Variants in GPHN observed in about 807,000 individuals in gnomAD.
GPHN encodes gephyrin.
GPHN carries 17 observed loss-of-function variants against 95.5 expected under a neutral mutation model. That is an observed-to-expected ratio of 0.18 (90% CI 0.12 to 0.27). The LOEUF (loss-of-function observed/expected upper bound fraction) is 0.27, where lower values mean the gene tolerates loss of function less well. Ranked by LOEUF, GPHN falls within the 10% of genes least tolerant of loss-of-function variation. The probability of loss-of-function intolerance (pLI) is 1.00; values close to 1 mark genes in which losing one functional copy is unlikely to be tolerated. For missense variants in GPHN, 660 were observed against 978.1 expected (o/e 0.67, Z 4.34); for synonymous variants, 320 against 322.5 (o/e 0.99, Z 0.08).
chr14:66,754,952 A>G (rs2058505970), intron 2 of GPHN, among the ~76,000 whole-genome samples: 1 of 152,110 alleles, frequency 6.6e-6, no homozygotes, highest in South Asian at 2.1e-4. Flanking sequence ...ACAGTATTTT[A>G]TCTTACAATG....
At chr14:67,142,421 A>G (rs544393873) in intron 17 of GPHN, among the ~76,000 whole-genome samples, 4 of 152,260 alleles carry the variant, frequency 2.6e-5, no homozygotes, top group Admixed American at 2.0e-4. Flanking sequence ...GGACTTTTCA[A>G]CTGTTCTGAC....
At chr14:67,412,271 C>A in the GPHN span, 1 of 456,510 alleles carries the variant, frequency 2.2e-6, no homozygotes, top group Non-Finnish European at 3.8e-6. Context: ...CGTTTCCACC[C>A]AAAGGTGCTC....
At chr14:67,605,117 T>A in the GPHN span, among the ~76,000 whole-genome samples, 2 of 152,196 alleles carry the variant, frequency 1.3e-5, no homozygotes, top group African/African-American at 4.8e-5. Flanking sequence ...TCACCAAAAA[T>A]TTTGCTTGGA....
the GPHN span, chr14:67,397,585 C>A: frequency 7.8e-7 from 1 of 1,281,710 alleles, no homozygotes; most frequent in South Asian, 1.5e-5. Flanking sequence ...CTCCTACCCA[C>A]ACCACTTTCC....
chr14:67,393,642 T>C, the GPHN span, among the ~76,000 whole-genome samples: 1 of 151,970 alleles, frequency 6.6e-6, no homozygotes, highest in Non-Finnish European at 1.5e-5. Context: ...TTAGTAGAGA[T>C]GGGGTTTCAC....
the GPHN span, among the ~76,000 whole-genome samples, chr14:67,310,006 G>A: frequency 6.7e-6 from 1 of 148,594 alleles, no homozygotes; most frequent in Non-Finnish European, 1.5e-5. Context: ...TTTTTTTTTG[G>A]CAAAAAAGTA....
chr14:67,728,707 G>GGGC, the GPHN span, among the ~76,000 whole-genome samples: 1 of 151,210 alleles, frequency 6.6e-6, no homozygotes, highest in South Asian at 2.1e-4. Flanking sequence ...ATCTTGTGGG[G>GGGC]GGGGGGTGTT....
At chr14:66,536,979 T>C (rs1282536852) in intron 1 of GPHN, among the ~76,000 whole-genome samples, 1 of 152,208 alleles carries the variant, frequency 6.6e-6, no homozygotes. Context: ...ATGACCTTTT[T>C]GTCATTATGA....
the GPHN span, among the ~76,000 whole-genome samples, chr14:67,688,868 C>G: frequency 6.6e-6 from 1 of 152,248 alleles, no homozygotes; most frequent in Admixed American, 6.5e-5. Flanking sequence ...AGAGACTATA[C>G]CTATCTTGTT....
chr14:67,336,813 C>T, the GPHN span: 2 of 454,652 alleles, frequency 4.4e-6, no homozygotes, highest in Non-Finnish European at 8.8e-6. Context: ...GTTTTCCAGT[C>T]ATTACTGAAT....
the GPHN span, among the ~76,000 whole-genome samples, chr14:67,383,020 T>C: frequency 6.6e-6 from 1 of 152,246 alleles, no homozygotes; most frequent in Non-Finnish European, 1.5e-5. Flanking sequence ...CTATTTGTGG[T>C]CTTGAAAGAT....
chr14:67,312,686 C>A, the GPHN span: 2 of 1,610,040 alleles, frequency 1.2e-6, no homozygotes, highest in African/African-American at 1.3e-5. Flanking sequence ...CGAAGATAAT[C>A]AACCTCTAGC....
At chr14:67,568,704 G>C in the GPHN span, among the ~76,000 whole-genome samples, 39,293 of 151,946 alleles carry the variant, frequency 0.26, 5,304 homozygotes, top group East Asian at 0.45. Context: ...TCGTGTGGCC[G>C]CAGTGGCTTC....
chr14:67,621,917 C>T, the GPHN span, among the ~76,000 whole-genome samples: 4 of 151,678 alleles, frequency 2.6e-5, no homozygotes, highest in Admixed American at 6.6e-5. Context: ...ACCAATATGG[C>T]GAAATCCCTT....
chr14:67,368,780 C>T, the GPHN span, among the ~76,000 whole-genome samples: 4 of 152,022 alleles, frequency 2.6e-5, no homozygotes, highest in Non-Finnish European at 4.4e-5. Flanking sequence ...CACAGCTGTT[C>T]GGGAGGCTGA....
chr14:66,936,096 G>T (rs1368188623), intron 8 of GPHN, among the ~76,000 whole-genome samples: 1 of 151,978 alleles, frequency 6.6e-6, no homozygotes, highest in Admixed American at 6.6e-5. Context: ...TGAGAATTGG[G>T]GTCCAGGTGC....
At chr14:66,581,660 C>T (rs924858159) in intron 1 of GPHN, among the ~76,000 whole-genome samples, 5 of 151,804 alleles carry the variant, frequency 3.3e-5, no homozygotes, top group African/African-American at 1.2e-4. Context: ...TCACTCTCAC[C>T]TTTAAGGGCA....
At chr14:67,511,368 A>G in the GPHN span, among the ~76,000 whole-genome samples, 1 of 152,148 alleles carries the variant, frequency 6.6e-6, no homozygotes, top group African/African-American at 2.4e-5. Flanking sequence ...AAAACAAAAA[A>G]AACTGTCATG....
At chr14:67,633,340 G>C in the GPHN span, among the ~76,000 whole-genome samples, 1 of 151,706 alleles carries the variant, frequency 6.6e-6, no homozygotes, top group African/African-American at 2.4e-5. Flanking sequence ...TCTCTGTTTA[G>C]ATCCCTGTGG....
Sources: allele counts gnomAD v4.1 joint callset (sites outside exome capture counted in the v4.1 genomes callset), GRCh38; gene constraint gnomAD v4.1.1; transcripts MANE v1.5; gene names NCBI Gene and HGNC (gene_info 2026-07-23, HGNC 2026-07-21).